The following WBP1L variants were observed in gnomAD, a reference collection of about 807,000 sequenced individuals.
WBP1L encodes the protein WW domain binding protein 1-like.
A neutral mutation model predicts 33.7 loss-of-function variants in WBP1L; 17 were observed. The observed-to-expected ratio is 0.50, with a 90% CI of 0.34 to 0.76. WBP1L has a LOEUF of 0.76. WBP1L is among the 30% of genes least tolerant of loss of function. WBP1L has a pLI of 0.01. For synonymous variants in WBP1L, 173 were observed against 190.8 expected, an observed-to-expected ratio of 0.91 and a Z score of 0.77; for missense variants, 389 against 469.4, an observed-to-expected ratio of 0.83 and a Z score of 1.58.
At chr10:102,809,494 C>A (rs1479161831) in intron 2 of WBP1L, among the ~76,000 whole-genome samples, 1 of 151,884 alleles carries the variant, frequency 6.6e-6, no homozygotes, top group African/African-American at 2.4e-5. Flanking sequence ...GCCTCAGCCT[C>A]CTGAGTAGCT....
At chr10:102,792,108 G>GT (rs1374414829) in intron 1 of WBP1L, among the ~76,000 whole-genome samples, 7 of 152,198 alleles carry the variant, frequency 4.6e-5, no homozygotes, top group Non-Finnish European at 1.0e-4. Context: ...GTGTAAAAAT[G>GT]TTTTTTCCAG....
At chr10:102,794,789 A>T (rs1007792207) in intron 1 of WBP1L, among the ~76,000 whole-genome samples, 5 of 152,056 alleles carry the variant, frequency 3.3e-5, no homozygotes, top group African/African-American at 1.2e-4. Flanking sequence ...CTGGGGCCAA[A>T]CCCAAGGCTC....
rs1482896982 is a variant in WBP1L at position 102,814,954 on chromosome 10, CCA to C, written c.*1626_*1627del. 1 of 152,536 alleles carries C rather than the reference CCA, an allele frequency of 6.6e-6. No individual in the cohort carries two copies. The highest frequency in any genetic ancestry group is 1.9e-4 in the East Asian group (1 of 5,196). The allele number at this position is 152,536 out of a possible 1,614,324, so 9.4% of individuals were successfully genotyped here. A position where few individuals can be genotyped will look rare whatever the true frequency, so the allele number is the denominator to read the frequency against. ...GTAAACGAGTGTCTGCATTTAGATT[CCA>C]CAAAACCAAAATCCATGTTGAACAA... On this transcript the variant is annotated 3_prime_UTR_variant, in exon 4 of 4. Transcript: ENST00000448841.
At chr10:102,803,212 G>C (rs1843682852) in intron 2 of WBP1L, among the ~76,000 whole-genome samples, 1 of 152,200 alleles carries the variant, frequency 6.6e-6, no homozygotes, top group Non-Finnish European at 1.5e-5. Context: ...CTTTTCCACT[G>C]TGGCAGTGGC....
chr10:102,747,100 A>AC (rs1200944952), intron 1 of WBP1L, among the ~76,000 whole-genome samples: 15 of 152,108 alleles, frequency 9.9e-5, no homozygotes, highest in Non-Finnish European at 2.2e-4. Flanking sequence ...ATGGTGGCTC[A>AC]CCCCTGTAAT....
At chr10:102,807,514 T>A (rs1319736786) in intron 2 of WBP1L, among the ~76,000 whole-genome samples, 1 of 152,052 alleles carries the variant, frequency 6.6e-6, no homozygotes, top group Non-Finnish European at 1.5e-5. Flanking sequence ...GGACTATAGG[T>A]GTGTGCCACC....
chr10:102,782,696 A>G (rs1230290384), intron 1 of WBP1L, among the ~76,000 whole-genome samples: 1 of 152,048 alleles, frequency 6.6e-6, no homozygotes, highest in Non-Finnish European at 1.5e-5. Context: ...CCTGAACTTG[A>G]ACCCCAGACC....
At chr10:102,767,232 C>T (rs1242251426) in intron 1 of WBP1L, among the ~76,000 whole-genome samples, 1 of 152,092 alleles carries the variant, frequency 6.6e-6, no homozygotes, top group Admixed American at 6.6e-5. Context: ...GTGCAGCCTA[C>T]GAAAGTAATA....
intron 1 of WBP1L, among the ~76,000 whole-genome samples, chr10:102,765,270 C>T (rs1843093013): frequency 6.6e-6 from 1 of 152,220 alleles, no homozygotes; most frequent in African/African-American, 2.4e-5. Flanking sequence ...CAGGATCTTG[C>T]ACAGGCTGGA....
intron 3 of WBP1L, 80 bp downstream of exon 3, chr10:102,810,134 C>T: frequency 6.6e-7 from 1 of 1,522,726 alleles, no homozygotes. Context: ...TATTGGTGGC[C>T]AGGCTCCTGT....
At chr10:102,776,209 A>G (rs888093791) in intron 1 of WBP1L, 4 of 1,486,610 alleles carry the variant, frequency 2.7e-6, no homozygotes, top group Non-Finnish European at 3.6e-6. Flanking sequence ...AGTAGCGAGG[A>G]GAGCAGGAGA....
At chr10:102,753,964 CA>C (rs1300964067) in intron 1 of WBP1L, among the ~76,000 whole-genome samples, 1 of 152,072 alleles carries the variant, frequency 6.6e-6, no homozygotes, top group Non-Finnish European at 1.5e-5. Context: ...TCGTATTTTT[CA>C]AAATTCTACA....
chr10:102,749,304 A>G (rs550392778), intron 1 of WBP1L, among the ~76,000 whole-genome samples: 1 of 152,268 alleles, frequency 6.6e-6, no homozygotes, highest in African/African-American at 2.4e-5. Context: ...TGTTGCCCAT[A>G]GGGTTTCTGT....
intron 1 of WBP1L, among the ~76,000 whole-genome samples, chr10:102,747,429 G>A (rs1842877057): frequency 6.6e-6 from 1 of 151,820 alleles, no homozygotes; most frequent in African/African-American, 2.4e-5. Context: ...CGACAGCCTT[G>A]GCGTTTGTTT....
At chr10:102,758,728 C>A (rs2134030121) in intron 1 of WBP1L, among the ~76,000 whole-genome samples, 1 of 152,256 alleles carries the variant, frequency 6.6e-6, no homozygotes, top group East Asian at 1.9e-4. Context: ...TGGCCCCGAG[C>A]AGCTGGGCTT....
intron 1 of WBP1L, among the ~76,000 whole-genome samples, chr10:102,773,636 T>C (rs2134040318): frequency 6.6e-6 from 1 of 152,220 alleles, no homozygotes; most frequent in African/African-American, 2.4e-5. Context: ...GCCTGTAATC[T>C]TAACACTTTG....
At chr10:102,805,114 C>G (rs1233475871) in intron 2 of WBP1L, among the ~76,000 whole-genome samples, 1 of 151,546 alleles carries the variant, frequency 6.6e-6, no homozygotes, top group East Asian at 1.9e-4. Context: ...AGACCACCCC[C>G]CTATATCTAC....
intron 1 of WBP1L, among the ~76,000 whole-genome samples, chr10:102,745,270 A>G (rs916506961): frequency 1.3e-5 from 2 of 152,348 alleles, no homozygotes; most frequent in Non-Finnish European, 1.5e-5. Flanking sequence ...TGTTTTGCCC[A>G]TTATCCTCTA....
intron 1 of WBP1L, among the ~76,000 whole-genome samples, chr10:102,770,712 C>T (rs142783882): frequency 1.6e-3 from 249 of 152,254 alleles, no homozygotes; most frequent in African/African-American, 4.9e-3. Flanking sequence ...ACCCTAGGAC[C>T]CTGACTTCAC....
Sources: allele counts gnomAD v4.1 joint callset (sites outside exome capture counted in the v4.1 genomes callset), GRCh38; gene constraint gnomAD v4.1.1; transcripts MANE v1.5; gene names NCBI Gene and HGNC (gene_info 2026-07-23, HGNC 2026-07-21).